Variants in PBX4 observed in about 807,000 individuals in gnomAD.
PBX4 encodes the protein PBX homeobox 4.
Under a neutral mutation model 35.1 loss-of-function variants are expected in PBX4, and 26 were observed. That is an observed-to-expected ratio of 0.74 (90% CI 0.54 to 1.03). PBX4 has a LOEUF of 1.03. Ranked by LOEUF, PBX4 falls within the 50% of genes least tolerant of loss-of-function variation. The pLI, the probability that PBX4 is intolerant of heterozygous loss-of-function variation, is 0.00. For synonymous variants in PBX4, 199 were observed against 204.2 expected (o/e 0.97, Z 0.22); for missense variants, 448 against 504.3 (o/e 0.89, Z 1.07).
intron 2 of PBX4, among the ~76,000 whole-genome samples, chr19:19,576,008 C>T (rs772445798): frequency 4.6e-5 from 7 of 152,190 alleles, no homozygotes; most frequent in Non-Finnish European, 1.0e-4. Flanking sequence ...AATGTTGGCA[C>T]ATGCAGTGTA....
chr19:19,575,833 T>G (rs1220702728), intron 2 of PBX4, among the ~76,000 whole-genome samples: 1 of 152,188 alleles, frequency 6.6e-6, no homozygotes, highest in African/African-American at 2.4e-5. Context: ...AGCTCCTTCC[T>G]GAGCACCCAT....
intron 2 of PBX4, among the ~76,000 whole-genome samples, chr19:19,584,498 C>T (rs1157092351): frequency 6.6e-6 from 1 of 152,098 alleles, no homozygotes; most frequent in Non-Finnish European, 1.5e-5. Context: ...GACCCACTCA[C>T]AGGCTGAAGG....
intron 2 of PBX4, among the ~76,000 whole-genome samples, chr19:19,575,430 CTG>C (rs1419172682): frequency 1.3e-5 from 2 of 152,138 alleles, no homozygotes; most frequent in Non-Finnish European, 2.9e-5. Flanking sequence ...CAGAATTAGC[CTG>C]TGTTTGCCTA....
At chr19:19,575,889 C>T (rs938790973) in intron 2 of PBX4, among the ~76,000 whole-genome samples, 6 of 152,136 alleles carry the variant, frequency 3.9e-5, no homozygotes, top group Non-Finnish European at 8.8e-5. Flanking sequence ...ATACACAGGA[C>T]TCAGTCCCTC....
intron 2 of PBX4, among the ~76,000 whole-genome samples, chr19:19,590,926 T>C (rs974774450): frequency 2.0e-5 from 3 of 152,222 alleles, no homozygotes. Context: ...CAGCCCTGTG[T>C]GGCTGCTGAG....
At chr19:19,602,848 T>C (rs1227214334) in intron 1 of PBX4, among the ~76,000 whole-genome samples, 3 of 152,114 alleles carry the variant, frequency 2.0e-5, no homozygotes, top group Non-Finnish European at 4.4e-5. Flanking sequence ...GCCATTCATA[T>C]GCAAATCAAC....
intron 6 of PBX4, among the ~76,000 whole-genome samples, chr19:19,564,004 T>G (rs1220865062): frequency 6.6e-6 from 1 of 151,964 alleles, no homozygotes; most frequent in Non-Finnish European, 1.5e-5. Context: ...TTTTTATTAT[T>G]ATTATACTTT....
intron 1 of PBX4, among the ~76,000 whole-genome samples, chr19:19,617,358 C>A (rs2061693728): frequency 6.6e-6 from 1 of 152,102 alleles, no homozygotes; most frequent in Non-Finnish European, 1.5e-5. Context: ...GTCACCCAGG[C>A]TGGAGTGCAA....
chr19:19,577,056 C>T (rs1351353162), intron 2 of PBX4, among the ~76,000 whole-genome samples: 5 of 151,980 alleles, frequency 3.3e-5, no homozygotes, highest in Non-Finnish European at 5.9e-5. Flanking sequence ...GGTGAAACAC[C>T]ATCTCTACTA....
intron 1 of PBX4, among the ~76,000 whole-genome samples, chr19:19,606,064 C>A (rs563063808): frequency 8.5e-5 from 13 of 152,270 alleles, no homozygotes; most frequent in African/African-American, 3.1e-4. Context: ...GTGAGACCTT[C>A]CCCAAGGGGA....
chr19:19,590,475 T>C (rs1172824946), intron 2 of PBX4, among the ~76,000 whole-genome samples: 1 of 151,458 alleles, frequency 6.6e-6, no homozygotes, highest in Non-Finnish European at 1.5e-5. Flanking sequence ...TCTTTCTTTT[T>C]TTTTTTTTTT....
intron 2 of PBX4, chr19:19,588,085 C>T (rs2061502047): frequency 1.2e-6 from 1 of 859,538 alleles, no homozygotes; most frequent in Non-Finnish European, 1.9e-6. Flanking sequence ...GGGCCACTTA[C>T]CAATCACCTC....
intron 1 of PBX4, among the ~76,000 whole-genome samples, chr19:19,607,364 GT>G (rs974359484): frequency 6.6e-6 from 1 of 151,990 alleles, no homozygotes; most frequent in Non-Finnish European, 1.5e-5. Context: ...ACATATCTGA[GT>G]TTTTTAAAAT....
intron 1 of PBX4, among the ~76,000 whole-genome samples, chr19:19,600,472 T>A (rs932814408): frequency 6.6e-6 from 1 of 150,406 alleles, no homozygotes; most frequent in Non-Finnish European, 1.5e-5. Context: ...TGTAGTGAGC[T>A]ATGAACATGC....
intron 2 of PBX4, among the ~76,000 whole-genome samples, chr19:19,594,593 G>T (rs1227856036): frequency 6.6e-6 from 1 of 152,138 alleles, no homozygotes; most frequent in African/African-American, 2.4e-5. Context: ...CCACACAGGG[G>T]CAGATGGAAT....
chr19:19,585,302 G>A (rs746949362), intron 2 of PBX4, among the ~76,000 whole-genome samples: 29 of 151,790 alleles, frequency 1.9e-4, no homozygotes, highest in Non-Finnish European at 3.7e-4. Flanking sequence ...TCCAGCCTGG[G>A]TGACAGTGTG....
intron 6 of PBX4, 184 bp downstream of exon 6, chr19:19,564,749 G>A (rs953723249): frequency 4.2e-6 from 3 of 715,144 alleles, no homozygotes; most frequent in African/African-American, 3.6e-5. Context: ...CCAAAGCACA[G>A]GTATCTGTTG....
chr19:19,591,328 T>G (rs541246422), intron 2 of PBX4, among the ~76,000 whole-genome samples: 1 of 152,280 alleles, frequency 6.6e-6, no homozygotes, highest in Admixed American at 6.5e-5. Flanking sequence ...AACCCGATTC[T>G]GTAATTGCAA....
rs556903857 is a variant in PBX4 at position 19,582,443 on chromosome 19, C to T, written c.194-11610G>A. ...AGAAGAACACACCAATAGACACTGG[C>T]GGGCCATTGATGGTGGAACAATGCA... On this transcript the variant is annotated intron_variant, in intron 2 of 7. Transcript: ENST00000251203. Among the ~76,000 whole-genome samples, 62 of 152,236 alleles carry T rather than the reference C, an allele frequency of 4.1e-4. No individual in the cohort carries two copies. The South Asian group carries it at 0.01, about 25-fold the overall frequency.
Sources: gnomAD v4.1 joint callset for allele counts (sites outside exome capture counted in the v4.1 genomes callset) on GRCh38, gnomAD v4.1.1 for gene constraint, MANE v1.5 for transcripts, NCBI Gene and HGNC (gene_info 2026-07-23, HGNC 2026-07-21) for gene names.